Variants in PCDHGB3 observed in about 807,000 individuals in gnomAD.
The protein encoded by PCDHGB3 is protocadherin gamma subfamily B, 3, also known as protocadherin gamma-B3.
A neutral mutation model predicts 59.2 loss-of-function variants in PCDHGB3; 40 were observed. The ratio of observed to expected loss-of-function variants is 0.68; its 90% CI spans 0.52 to 0.88. The LOEUF (loss-of-function observed/expected upper bound fraction) is 0.88. Ranked by LOEUF, PCDHGB3 falls within the 40% of genes least tolerant of loss-of-function variation. PCDHGB3 has a pLI of 0.00. For missense variants in PCDHGB3, 1,309 were observed against 1,187.9 expected (o/e 1.10, Z -1.50); for synonymous variants, 581 against 503.6 (o/e 1.15, Z -2.06).
Position 141,489,753 on chromosome 5 carries a change from T to A in PCDHGB3, c.2416-5054T>A, listed in dbSNP as rs549652158. On this transcript the variant is annotated intron_variant, in intron 1 of 3. Transcript: ENST00000576222. The surrounding 1 kb of genome is among the most constrained non-coding windows in gnomAD (Gnocchi z 4.5). ...GCACCAATACTGTGAGCTTTTACAC[T>A]CTAAGCCCCAACAGCCACTTCTCTC... 6.2e-7 allele frequency: 1 copy of A among 1,614,070 alleles called. No homozygotes were observed. The highest frequency in any genetic ancestry group is 2.2e-5 in the East Asian group (1 of 44,866).
chr5:141,406,553 C>T (rs990498102), intron 1 of PCDHGB3, among the ~76,000 whole-genome samples: 1 of 152,150 alleles, frequency 6.6e-6, no homozygotes, highest in African/African-American at 2.4e-5. Flanking sequence ...CTTCAGTTAT[C>T]CACTTCCAAA....
chr5:141,389,049 C>T, intron 1 of PCDHGB3: 7 of 1,613,880 alleles, frequency 4.3e-6, no homozygotes, highest in Non-Finnish European at 5.9e-6. Flanking sequence ...AGGTGATGTT[C>T]CATTTAAAAT....
At chr5:141,419,192 G>C (rs772847766) in intron 1 of PCDHGB3, 2 of 1,613,934 alleles carry the variant, frequency 1.2e-6, no homozygotes, top group Admixed American at 1.7e-5. Context: ...CATTACTGAC[G>C]TCAATGACAA....
chr5:141,436,921 C>T lies in PCDHGB3; in HGVS notation c.2416-57886C>T, dbSNP rs73794904. Among the ~76,000 whole-genome samples the T allele has an allele frequency of 9.3e-3, 1,413 of 152,246 alleles. 25 individuals carry two copies. The highest frequency in any genetic ancestry group is 0.032 in the African/African-American group (1,313 of 41,572). On this transcript the variant is annotated intron_variant, in intron 1 of 3. Coordinates refer to ENST00000576222, the MANE Select transcript of PCDHGB3 (RefSeq NM_018924.5). ...ATATGAGACAATTTTGTGAGTGTTA[C>T]TTTTTCTTTGTCTGAACCATAGTGA...
In PCDHGB3 at chr5:141,382,776, A is replaced by G. The variant is rs572614689; in HGVS notation, c.2415+9967A>G. 9.9e-6 allele frequency: 8 copies of G among 809,846 alleles called. No individual in the cohort carries two copies. The Admixed American group carries it at 2.0e-4, about 21-fold the overall frequency. 50.2% of individuals were successfully genotyped at this position (809,846 alleles called of 1,614,324 possible). The stretch of plus-strand genomic sequence containing the variant: ...TAAGCCCTCTTCCAGGCTGCACTAA[A>G]CTCAAGCCTCTATCCTGCTGGATTC... On this transcript the variant is annotated intron_variant, in intron 1 of 3. Transcript: ENST00000576222.
At chr5:141,449,531 G>A (rs1421489293) in intron 1 of PCDHGB3, among the ~76,000 whole-genome samples, 2 of 149,216 alleles carry the variant, frequency 1.3e-5, no homozygotes, top group Admixed American at 6.7e-5. Flanking sequence ...GGAGGTTGCA[G>A]TGAGCCGAGA....
At chr5:141,492,974 C>G (rs1479838959) in intron 1 of PCDHGB3, among the ~76,000 whole-genome samples, 1 of 152,244 alleles carries the variant, frequency 6.6e-6, no homozygotes, top group Non-Finnish European at 1.5e-5. Flanking sequence ...CTAACAAGTC[C>G]TGTCTCCTCT....
rs558513172 is a variant in PCDHGB3 at position 141,424,015 on chromosome 5, A to T, written c.2415+51206A>T. The T allele has an allele frequency of 3.0e-5, 32 of 1,060,896 alleles. No individual in the cohort carries two copies. The Admixed American group carries it at 3.2e-4, about 11-fold the overall frequency. The allele number at this position is 1,060,896 out of a possible 1,614,324, so 65.7% of individuals were successfully genotyped here. A position where few individuals can be genotyped will look rare whatever the true frequency, so the allele number is the denominator to read the frequency against. ...TATTATATATAGATACAAATTAATGATTCACAAACACTTTTTATTTCCATT... is the reference window on the plus strand; with the variant it reads ...TATTATATATAGATACAAATTAATGTTTCACAAACACTTTTTATTTCCATT... On this transcript the variant is annotated intron_variant, in intron 1 of 3. Transcript: ENST00000576222.
intron 1 of PCDHGB3, chr5:141,395,395 T>TA: frequency 1.1e-6 from 1 of 906,424 alleles, no homozygotes; most frequent in Non-Finnish European, 1.6e-6. Flanking sequence ...AATTGAACTC[T>TA]AATAGTCATA....
chr5:141,394,729 A>T (rs765609733), intron 1 of PCDHGB3: 44 of 1,613,302 alleles, frequency 2.7e-5, no homozygotes, highest in African/African-American at 4.0e-5. Flanking sequence ...GATGCGCTCA[A>T]GCAGAGCCTC....
At position 141,379,889 on chromosome 5, in the gene PCDHGB3, C is replaced by CTTTTTTTTTTTTTTT. The variant is rs70988800; in HGVS notation, c.2415+7096_2415+7110dup. On this transcript the variant is annotated intron_variant, in intron 1 of 3. Coordinates refer to ENST00000576222, the MANE Select transcript of PCDHGB3 (RefSeq NM_018924.5). ...CTTATTTTATGGTCTGTGAAAGCCT[C>CTTTTTTTTTTTTTTT]TTTTTTTTTTTTTTTTTTTTTTTTT... Among the ~76,000 whole-genome samples, 120 of 50,828 alleles carry CTTTTTTTTTTTTTTT rather than the reference C, an allele frequency of 2.4e-3. 21 individuals carry two copies. The highest frequency in any genetic ancestry group is 3.0e-3 in the Non-Finnish European group (77 of 25,882). 33.3% of individuals were successfully genotyped at this position (50,828 alleles called of 152,430 possible).
chr5:141,442,047 G>A (rs186626119), intron 1 of PCDHGB3: 64 of 202,912 alleles, frequency 3.2e-4, no homozygotes, highest in Admixed American at 9.3e-4. Context: ...GCGCCTACTG[G>A]TCGCGGTGCA....
At chr5:141,478,173 A>G (rs1397071220) in intron 1 of PCDHGB3, 1 of 1,613,986 alleles carries the variant, frequency 6.2e-7, no homozygotes, top group Non-Finnish European at 8.5e-7. Flanking sequence ...CCCCGGGAGC[A>G]GAAAAAAAAT....
intron 1 of PCDHGB3, among the ~76,000 whole-genome samples, chr5:141,397,505 T>A (rs2093531906): frequency 6.6e-6 from 1 of 152,158 alleles, no homozygotes; most frequent in South Asian, 2.1e-4. Context: ...ATGATAAAAT[T>A]GTTTCCATAG....
chr5:141,438,579 CATACATACATACATATAT>C (rs1303045573), intron 1 of PCDHGB3, among the ~76,000 whole-genome samples: 21 of 55,772 alleles, frequency 3.8e-4, no homozygotes, highest in Admixed American at 1.1e-3. Context: ...GATATACATA[CATACATACATACATATAT>C]ATATATATAT....
intron 1 of PCDHGB3, chr5:141,395,188 T>C (rs1188356077): frequency 6.2e-7 from 1 of 1,614,128 alleles, no homozygotes; most frequent in East Asian, 2.2e-5. Flanking sequence ...GATTCTTTGT[T>C]AACATCCGTA....
chr5:141,418,891 C>G (rs774546487), intron 1 of PCDHGB3: 4 of 1,613,842 alleles, frequency 2.5e-6, no homozygotes, highest in East Asian at 2.2e-5. Context: ...ACGACAACAG[C>G]CCAGAAATAA....
At chr5:141,483,385 G>C (rs1166547027) in intron 1 of PCDHGB3, among the ~76,000 whole-genome samples, 1 of 152,160 alleles carries the variant, frequency 6.6e-6, no homozygotes, top group Non-Finnish European at 1.5e-5. Context: ...AGAGAAGATT[G>C]ATAAATGCTT....
At chr5:141,406,497 G>A (rs918411920) in intron 1 of PCDHGB3, among the ~76,000 whole-genome samples, 2 of 152,200 alleles carry the variant, frequency 1.3e-5, no homozygotes, top group African/African-American at 4.8e-5. Context: ...TCACAAGTGT[G>A]TAAAGTCTGT....
Sources: gnomAD v4.1 joint callset for allele counts (sites outside exome capture counted in the v4.1 genomes callset) on GRCh38, gnomAD v4.1.1 for gene constraint, Gnocchi (gnomAD v3.1) non-coding constraint, MANE v1.5 for transcripts, NCBI Gene and HGNC (gene_info 2026-07-23, HGNC 2026-07-21) for gene names.